EDA: variants seen among roughly 807,000 people sequenced by gnomAD.
EDA encodes ectodysplasin-A.
Under a neutral mutation model 23.6 loss-of-function variants are expected in EDA, and 2 were observed. That is an observed-to-expected ratio of 0.08 (90% CI 0.03 to 0.27). The LOEUF (loss-of-function observed/expected upper bound fraction) is 0.27, where lower values mean the gene tolerates loss of function less well. Ranked by LOEUF, EDA falls within the 10% of genes least tolerant of loss-of-function variation. EDA has a pLI of 1.00. For missense variants in EDA, 229 were observed against 324.2 expected (o/e 0.71, Z 2.26); for synonymous variants, 131 against 132.0 (o/e 0.99, Z 0.05).
intron 1 of EDA, among the ~76,000 whole-genome samples, chrX:69,708,282 C>T (rs2011817911): frequency 8.9e-6 from 1 of 111,993 alleles, no homozygotes; most frequent in Non-Finnish European, 1.9e-5. Flanking sequence ...TTGGTTACAG[C>T]TCTGCCTTTG....
intron 1 of EDA, among the ~76,000 whole-genome samples, chrX:69,749,919 GTTCTTTTTTT>G (rs1289095864): frequency 6.2e-5 from 3 of 48,606 alleles, no homozygotes; most frequent in Admixed American, 3.1e-4. Flanking sequence ...TCTCACTAAG[GTTCTTTTTTT>G]TTTTTTTTTT....
At chrX:69,819,495 C>G (rs540196757) in intron 1 of EDA, among the ~76,000 whole-genome samples, 1 of 112,120 alleles carries the variant, frequency 8.9e-6, no homozygotes, top group African/African-American at 3.2e-5. Context: ...TAAGCCCAAA[C>G]GCTGCTTAAG....
intron 2 of EDA, among the ~76,000 whole-genome samples, chrX:69,979,005 G>C (rs2019364069): frequency 1.8e-5 from 2 of 111,135 alleles, no homozygotes; most frequent in Admixed American, 1.9e-4. Flanking sequence ...TACATTTCCA[G>C]AACTTTTTCC....
chrX:69,989,629 A>G (rs1425317846), intron 2 of EDA, among the ~76,000 whole-genome samples: 9 of 111,669 alleles, frequency 8.1e-5, no homozygotes, highest in Admixed American at 6.7e-4. Flanking sequence ...AATCCTCCTG[A>G]AACACAGAAA....
chrX:69,982,846 T>C (rs1167638976), intron 2 of EDA, among the ~76,000 whole-genome samples: 1 of 80,042 alleles, frequency 1.2e-5, no homozygotes, highest in African/African-American at 4.8e-5. Flanking sequence ...TGTCTAATGT[T>C]GACAGTGGGG....
At chrX:69,929,697 A>C (rs1001324697) in intron 1 of EDA, among the ~76,000 whole-genome samples, 7 of 80,819 alleles carry the variant, frequency 8.7e-5, no homozygotes, top group Non-Finnish European at 2.3e-5. Context: ...ACTTCACTTC[A>C]TTCTATTTTT....
intron 1 of EDA, among the ~76,000 whole-genome samples, chrX:69,784,403 T>A (rs1395598626): frequency 1.0e-5 from 1 of 98,371 alleles, no homozygotes; most frequent in African/African-American, 3.7e-5. Flanking sequence ...TAGGTTTTCT[T>A]CTAGGGTTTT....
chrX:69,910,402 T>A (rs1237819511), intron 1 of EDA, among the ~76,000 whole-genome samples: 7 of 106,562 alleles, frequency 6.6e-5, no homozygotes, highest in Admixed American at 5.1e-4. Flanking sequence ...TGTGTGTGTG[T>A]GTGTGTGTGT....
chrX:69,885,174 C>G (rs1260743166), intron 1 of EDA, among the ~76,000 whole-genome samples: 1 of 111,918 alleles, frequency 8.9e-6, no homozygotes, highest in Non-Finnish European at 1.9e-5. Context: ...GTTCAGTTGT[C>G]TCTTTTATTG....
chrX:69,778,090 A>C (rs1187746761), intron 1 of EDA, among the ~76,000 whole-genome samples: 2 of 111,459 alleles, frequency 1.8e-5, no homozygotes, highest in East Asian at 5.6e-4. Flanking sequence ...TGAGTTTCTA[A>C]AGTTTATCTT....
At chrX:69,633,656 C>T (rs1028862901) in intron 1 of EDA, among the ~76,000 whole-genome samples, 6 of 104,706 alleles carry the variant, frequency 5.7e-5, no homozygotes, top group African/African-American at 2.1e-4. Flanking sequence ...ATAATATTTT[C>T]AAAATTCATC....
At chrX:69,645,593 T>TATATATATATATATATATATATATATATA in intron 1 of EDA, among the ~76,000 whole-genome samples, 1 of 46,092 alleles carries the variant, frequency 2.2e-5, no homozygotes, top group African/African-American at 1.4e-4. Flanking sequence ...TTTATATATA[T>TATATATATATATATATATATATATATATA]GTGTGTGTGT....
chrX:69,616,717 G>C lies in EDA; in HGVS notation c.396+13G>C. The stretch of plus-strand genomic sequence containing the variant: ...GGACGGGCACCAGGTGAGTCACCTA[G>C]TAGGGGCGGCGGCGGCCCCCTCCCC... On this transcript the variant is annotated intron_variant, in intron 1 of 7. Transcript: ENST00000374552. The C allele has an allele frequency of 8.3e-7, 1 of 1,211,574 alleles. No homozygotes were observed. Among genetic ancestry groups the C allele is most frequent in the Non-Finnish European group, 1.1e-6 (1 of 895,374 alleles).
chrX:69,800,470 A>G (rs1027483660), intron 1 of EDA, among the ~76,000 whole-genome samples: 1 of 111,506 alleles, frequency 9.0e-6, no homozygotes, highest in Non-Finnish European at 1.9e-5. Context: ...CACACTATGC[A>G]TGTAATAAAA....
Position 70,037,711 on chromosome X carries a change from C to T in EDA, c.*2102C>T, listed in dbSNP as rs775872832. The T allele has an allele frequency of 9.0e-6, 1 of 111,525 alleles. No individual in the cohort carries two copies. The highest frequency in any genetic ancestry group is 2.8e-4 in the East Asian group (1 of 3,537). The allele number at this position is 111,525 out of a possible 1,213,427, so 9.2% of individuals were successfully genotyped here. A position where few individuals can be genotyped will look rare whatever the true frequency, so the allele number is the denominator to read the frequency against. On this transcript the variant is annotated 3_prime_UTR_variant, in exon 8 of 8. Transcript: ENST00000374552. ...TGGGAACTGAAATCCTTGAGAGTTC[C>T]GGGGAGAAACCCAGAGATGCCTGAT...
intron 2 of EDA, among the ~76,000 whole-genome samples, chrX:69,987,861 C>G (rs2019527638): frequency 9.0e-6 from 1 of 111,400 alleles, no homozygotes; most frequent in African/African-American, 3.3e-5. Context: ...CGTCTCTCCC[C>G]CATCTGTCAG....
chrX:69,806,419 G>A (rs2804357), intron 1 of EDA, among the ~76,000 whole-genome samples: 33,208 of 109,887 alleles, frequency 0.3, 4,742 homozygotes, highest in Middle Eastern at 0.55. Flanking sequence ...ACATATCTGA[G>A]ACTCTTTTGT....
intron 1 of EDA, among the ~76,000 whole-genome samples, chrX:69,888,989 T>TATATATATATATATATAG (rs2017878961): frequency 1.8e-5 from 1 of 55,954 alleles, no homozygotes; most frequent in African/African-American, 6.4e-5. Context: ...TATATATATA[T>TATATATATATATATATAG]ATATATATAT....
chrX:69,911,109 C>A (rs2018260924), intron 1 of EDA, among the ~76,000 whole-genome samples: 1 of 111,871 alleles, frequency 8.9e-6, no homozygotes, highest in Non-Finnish European at 1.9e-5. Context: ...TTTTTTTAAG[C>A]AAGCATTTAA....
Sources: gnomAD v4.1 joint callset for allele counts (sites outside exome capture counted in the v4.1 genomes callset) on GRCh38, gnomAD v4.1.1 for gene constraint, MANE v1.5 for transcripts, NCBI Gene and HGNC (gene_info 2026-07-23, HGNC 2026-07-21) for gene names.